The following MTMR9 variants were observed in gnomAD, a reference collection of about 807,000 sequenced individuals.
MTMR9 encodes the protein myotubularin-related protein 9.
In MTMR9, 39 loss-of-function variants were observed where a neutral mutation model predicts 69.5. The observed-to-expected ratio is 0.56, with a 90% CI of 0.43 to 0.73. The LOEUF is 0.73. Among genes scored for constraint, MTMR9 ranks in the 30% least tolerant of loss-of-function variants. MTMR9 has a pLI of 0.00. For synonymous variants in MTMR9, 354 were observed against 240.8 expected, an observed-to-expected ratio of 1.47 and a Z score of -4.35; for missense variants, 900 against 671.2, an observed-to-expected ratio of 1.34 and a Z score of -3.77.
rs899553309 is a variant in MTMR9 at position 11,328,079 on chromosome 8, G to A, written c.*5291G>A. 6.6e-6 allele frequency: 1 copy of A among 152,028 alleles called. No homozygotes were observed. Among genetic ancestry groups the A allele is most frequent in the Non-Finnish European group, 1.5e-5 (1 of 68,000 alleles). 9.4% of individuals were successfully genotyped at this position (152,028 alleles called of 1,614,324 possible). A position where few individuals can be genotyped will look rare whatever the true frequency, so the allele number is the denominator to read the frequency against. On this transcript the variant is annotated 3_prime_UTR_variant, in exon 10 of 10. Coordinates refer to ENST00000221086, the MANE Select transcript of MTMR9 (RefSeq NM_015458.4). ...TGCCTCAGAGGACAGTTGCACAGAT[G>A]GCTAGTGTTAAATTTCTATAGACGA...
At chr8:11,316,568 C>A in intron 7 of MTMR9, 105 bp from the exon 8 acceptor site, 1 of 621,328 alleles carries the variant, frequency 1.6e-6, no homozygotes, top group Non-Finnish European at 2.7e-6. Context: ...TATGATGTTC[C>A]AGGTACTAGG....
intron 8 of MTMR9, 77 bp from the exon 9 acceptor site, chr8:11,319,610 T>C (rs1215049022): frequency 4.2e-6 from 6 of 1,428,148 alleles, no homozygotes; most frequent in Non-Finnish European, 5.8e-6. Flanking sequence ...TGAGAAGAAA[T>C]TGTCCTCGTA....
chr8:11,293,134 G>A (rs1799424976), intron 1 of MTMR9, among the ~76,000 whole-genome samples: 2 of 152,154 alleles, frequency 1.3e-5, no homozygotes. Context: ...CTTCCAGTGG[G>A]GCAAGATGTG....
intron 9 of MTMR9, 134 bp downstream of exon 9, chr8:11,319,972 A>C: frequency 5.3e-6 from 4 of 760,634 alleles, no homozygotes; most frequent in South Asian, 2.9e-5. Flanking sequence ...TGTCATTCTC[A>C]GTGTGGGCAT....
intron 8 of MTMR9, chr8:11,317,782 G>A (rs1354321650): frequency 6.6e-6 from 1 of 152,226 alleles, no homozygotes; most frequent in Non-Finnish European, 1.5e-5. Context: ...ACATCAGAAT[G>A]ATCTTTCAGG....
At chr8:11,336,476 C>G in the MTMR9 span, among the ~76,000 whole-genome samples, 1 of 152,204 alleles carries the variant, frequency 6.6e-6, no homozygotes, top group Non-Finnish European at 1.5e-5. Context: ...ACTCTATGCC[C>G]AGTCTGAAAG....
At chr8:11,330,941 GAAAGAAA>G (rs1801193475), downstream of MTMR9, 1 of 1,186,650 alleles carries the variant, frequency 8.4e-7, no homozygotes, top group Non-Finnish European at 1.1e-6. Flanking sequence ...AAGAAAGAAA[GAAAGAAA>G]AGAAGCAGAG....
At chr8:11,290,988 G>C (rs1417382700) in intron 1 of MTMR9, among the ~76,000 whole-genome samples, 2 of 151,368 alleles carry the variant, frequency 1.3e-5, no homozygotes, top group Non-Finnish European at 2.9e-5. Flanking sequence ...AGACTCAAAG[G>C]CAGTTGCAAA....
At position 11,305,942 on chromosome 8, in the gene MTMR9, A is replaced by G. The variant is rs767565784; in HGVS notation, c.592-248A>G. Reference sequence around the variant, plus strand: ...AATGAATTGCAATATTTGATCTTAAAGAGGAGATATAATTTATTATGTGAC... The same window carrying G: ...AATGAATTGCAATATTTGATCTTAAGGAGGAGATATAATTTATTATGTGAC... On this transcript the variant is annotated intron_variant, in intron 4 of 9. Transcript: ENST00000221086. Among the ~76,000 whole-genome samples the G allele has an allele frequency of 1.2e-3, 184 of 152,330 alleles. 1 individual carries two copies. Among genetic ancestry groups the G allele is most frequent in the Non-Finnish European group, 2.3e-3 (155 of 68,028 alleles).
At chr8:11,287,863 TTATATTATAATATATAACA>T (rs1745191256) in intron 1 of MTMR9, among the ~76,000 whole-genome samples, 1 of 112,934 alleles carries the variant, frequency 8.9e-6, no homozygotes, top group South Asian at 2.3e-4. Flanking sequence ...ATGTTATATA[TTATATTATAATATATAACA>T]TATATAATAC....
In MTMR9 at chr8:11,284,861, G is replaced by C. The variant is rs373820000; in HGVS notation, c.-28G>C. The C allele has an allele frequency of 6.5e-7, 1 of 1,547,934 alleles. No homozygotes were observed. Among genetic ancestry groups the C allele is most frequent in the Non-Finnish European group, 8.7e-7 (1 of 1,152,798 alleles). On this transcript the variant is annotated 5_prime_UTR_variant, in exon 1 of 10. Coordinates refer to ENST00000221086, the MANE Select transcript of MTMR9 (RefSeq NM_015458.4). ...TAACCGCCTCGCACCTACCGGGCTC[G>C]GTTCCCTGGCTCCGGCCGCGGGGGA...
At chr8:11,305,489 A>G (rs1331437795) in intron 4 of MTMR9, among the ~76,000 whole-genome samples, 2 of 152,226 alleles carry the variant, frequency 1.3e-5, no homozygotes, top group African/African-American at 4.8e-5. Flanking sequence ...TTAAACAAGG[A>G]GTTAAGATAA....
Position 11,290,730 on chromosome 8 carries a change from C to T in MTMR9, c.183-4464C>T, listed in dbSNP as rs1206476158. Among the ~76,000 whole-genome samples, 22 of 152,070 alleles carry T rather than the reference C, an allele frequency of 1.4e-4. 1 individual carries two copies. Among genetic ancestry groups the T allele is most frequent in the Admixed American group, 6.6e-5 (1 of 15,262 alleles). On this transcript the variant is annotated intron_variant, in intron 1 of 9. Coordinates refer to ENST00000221086, the MANE Select transcript of MTMR9 (RefSeq NM_015458.4). ...TTTATGTCAAGTTATCCTATATATA[C>T]GGGTCTGTTTCTGAGCTCTCTGTCA...
chr8:11,285,441 A>C (rs1267607396), intron 1 of MTMR9: 1 of 173,532 alleles, frequency 5.8e-6, no homozygotes, highest in Non-Finnish European at 1.2e-5. Context: ...GATGTGATTT[A>C]GGTAAAGTCT....
chr8:11,312,700 G>C (rs11250127), intron 6 of MTMR9, among the ~76,000 whole-genome samples: 1 of 152,026 alleles, frequency 6.6e-6, no homozygotes, highest in Non-Finnish European at 1.5e-5. Context: ...ATCTAGAAAG[G>C]TGAATTCTTT....
At chr8:11,287,286 C>T (rs914771392) in intron 1 of MTMR9, among the ~76,000 whole-genome samples, 2 of 152,166 alleles carry the variant, frequency 1.3e-5, no homozygotes, top group African/African-American at 4.8e-5. Context: ...ACTACCTTTC[C>T]TTTCTTATTT....
downstream of MTMR9, among the ~76,000 whole-genome samples, chr8:11,329,686 T>A (rs1301201371): frequency 3.9e-5 from 6 of 152,238 alleles, no homozygotes; most frequent in Non-Finnish European, 8.8e-5. Flanking sequence ...CCCAGCCGCC[T>A]GCCTTGGCCT....
intron 8 of MTMR9, chr8:11,317,551 G>A (rs1291465993): frequency 6.6e-6 from 1 of 152,088 alleles, no homozygotes; most frequent in Admixed American, 6.6e-5. Flanking sequence ...GGAAATACGC[G>A]CTCATCTGCC....
chr8:11,286,942 G>C (rs537006526), intron 1 of MTMR9, among the ~76,000 whole-genome samples: 2 of 152,180 alleles, frequency 1.3e-5, no homozygotes, highest in South Asian at 4.1e-4. Flanking sequence ...CCTCTCCCAA[G>C]TTTGTTTAAC....
Sources: gnomAD v4.1 joint callset for allele counts (sites outside exome capture counted in the v4.1 genomes callset) on GRCh38, gnomAD v4.1.1 for gene constraint, MANE v1.5 for transcripts, NCBI Gene and HGNC (gene_info 2026-07-23, HGNC 2026-07-21) for gene names.